The following STAG1 variants were observed in gnomAD, a reference collection of about 807,000 sequenced individuals.
The protein encoded by STAG1 is cohesin subunit SA-1.
STAG1 carries 26 observed loss-of-function variants against 170.9 expected under a neutral mutation model. That is an observed-to-expected ratio of 0.15 (90% confidence interval 0.11 to 0.21). The LOEUF is 0.21. STAG1 is among the 10% of genes least tolerant of loss of function. The pLI is 1.00. For missense variants in STAG1, 964 were observed against 1,509.5 expected (o/e 0.64, Z 5.99); for synonymous variants, 514 against 497.7 (o/e 1.03, Z -0.44).
chr3:136,498,173 C>T (rs1251236178), intron 9 of STAG1, among the ~76,000 whole-genome samples: 3 of 108,728 alleles, frequency 2.8e-5, no homozygotes, highest in African/African-American at 1.0e-4. Flanking sequence ...GCCTGGGCAA[C>T]AAGAGCAAAA....
At chr3:136,632,964 T>G (rs1158005638) in intron 1 of STAG1, among the ~76,000 whole-genome samples, 1 of 150,230 alleles carries the variant, frequency 6.7e-6, no homozygotes, top group South Asian at 2.1e-4. Flanking sequence ...AGATGAAAAA[T>G]GTCAGTGTCC....
intron 15 of STAG1, among the ~76,000 whole-genome samples, chr3:136,437,407 A>G (rs1441336903): frequency 1.3e-5 from 2 of 152,224 alleles, no homozygotes; most frequent in Non-Finnish European, 2.9e-5. Flanking sequence ...GCCTTAAGCC[A>G]CAGGCAAGAG....
intron 7 of STAG1, among the ~76,000 whole-genome samples, chr3:136,511,404 C>G (rs967340150): frequency 6.6e-6 from 1 of 152,148 alleles, no homozygotes; most frequent in Non-Finnish European, 1.5e-5. Flanking sequence ...CCTTAATGCC[C>G]AGCAATGGTA....
At chr3:136,353,077 A>C (rs1936496675) in intron 28 of STAG1, among the ~76,000 whole-genome samples, 1 of 152,212 alleles carries the variant, frequency 6.6e-6, no homozygotes, top group East Asian at 1.9e-4. Context: ...CAAAATTAAA[A>C]ATTTACTATA....
At chr3:136,467,222 TAA>T (rs968449016) in intron 12 of STAG1, among the ~76,000 whole-genome samples, 4 of 152,016 alleles carry the variant, frequency 2.6e-5, no homozygotes, top group Non-Finnish European at 5.9e-5. Context: ...GCAAATTGGA[TAA>T]AGAGTCAAGA....
At chr3:136,592,920 G>A (rs1938255878) in intron 4 of STAG1, among the ~76,000 whole-genome samples, 1 of 152,186 alleles carries the variant, frequency 6.6e-6, no homozygotes, top group Non-Finnish European at 1.5e-5. Flanking sequence ...ACTGCTTGTA[G>A]TGCACAACTT....
At chr3:136,653,989 A>G (rs1161747597) in intron 1 of STAG1, among the ~76,000 whole-genome samples, 1 of 152,220 alleles carries the variant, frequency 6.6e-6, no homozygotes, top group African/African-American at 2.4e-5. Context: ...GAATTTTCTC[A>G]ATATAATAAA....
chr3:136,586,859 A>G (rs753706676), intron 4 of STAG1: 1 of 456,696 alleles, frequency 2.2e-6, no homozygotes. Context: ...AAAGGCTTCT[A>G]AGAAGTAGAC....
intron 22 of STAG1, among the ~76,000 whole-genome samples, chr3:136,378,781 G>T (rs1466288620): frequency 3.3e-5 from 5 of 152,092 alleles, no homozygotes; most frequent in African/African-American, 1.2e-4. Flanking sequence ...TATTAGCGAG[G>T]GGTTGAAACT....
intron 16 of STAG1, among the ~76,000 whole-genome samples, chr3:136,424,666 T>C (rs2088061821): frequency 6.6e-6 from 1 of 152,034 alleles, no homozygotes; most frequent in Admixed American, 6.6e-5. Context: ...TCTACATACA[T>C]GAACTCATCT....
chr3:136,747,925 C>T (rs1327996464), intron 1 of STAG1, among the ~76,000 whole-genome samples: 4 of 151,158 alleles, frequency 2.6e-5, no homozygotes, highest in Non-Finnish European at 5.9e-5. Context: ...TACAGGTGCC[C>T]GCCACCACAC....
intron 1 of STAG1, among the ~76,000 whole-genome samples, chr3:136,681,059 ATTG>A (rs1393172921): frequency 5.3e-5 from 8 of 152,306 alleles, no homozygotes; most frequent in African/African-American, 1.7e-4. Flanking sequence ...TATATTAATA[ATTG>A]TTGTATTGTT....
intron 5 of STAG1, among the ~76,000 whole-genome samples, chr3:136,556,336 C>T (rs903012234): frequency 6.6e-6 from 1 of 152,048 alleles, no homozygotes; most frequent in Admixed American, 6.6e-5. Flanking sequence ...GTAAATTCAT[C>T]CCCACTGATA....
At chr3:136,515,784 T>C (rs1934342795) in intron 7 of STAG1, among the ~76,000 whole-genome samples, 1 of 152,198 alleles carries the variant, frequency 6.6e-6, no homozygotes, top group African/African-American at 2.4e-5. Context: ...ATTTTAAAGT[T>C]ATACTTTATT....
intron 1 of STAG1, among the ~76,000 whole-genome samples, chr3:136,747,783 T>C (rs1379564406): frequency 2.0e-5 from 3 of 151,778 alleles, no homozygotes; most frequent in Non-Finnish European, 2.9e-5. Flanking sequence ...CGTAATTTTT[T>C]TTTTTTTTTT....
At chr3:136,511,093 G>C (rs115998823) in intron 7 of STAG1, among the ~76,000 whole-genome samples, 21 of 152,118 alleles carry the variant, frequency 1.4e-4, no homozygotes, top group African/African-American at 4.8e-4. Flanking sequence ...GGTTTTATAC[G>C]TCTCTGGCAT....
At chr3:136,528,701 C>T (rs983020074) in intron 6 of STAG1, among the ~76,000 whole-genome samples, 6 of 152,012 alleles carry the variant, frequency 3.9e-5, no homozygotes, top group African/African-American at 1.5e-4. Context: ...TATCATCCCA[C>T]CAGCTCGGGA....
intron 21 of STAG1, among the ~76,000 whole-genome samples, chr3:136,406,161 G>C (rs987872760): frequency 2.6e-5 from 4 of 152,152 alleles, no homozygotes; most frequent in African/African-American, 7.2e-5. Flanking sequence ...TAGCCGGATG[G>C]ATAAAGCAAA....
intron 21 of STAG1, among the ~76,000 whole-genome samples, chr3:136,416,517 G>A (rs982714690): frequency 2.0e-5 from 3 of 152,132 alleles, no homozygotes; most frequent in African/African-American, 7.2e-5. Context: ...AAACAGAGAT[G>A]TACTCTTATT....
Sources: allele counts gnomAD v4.1 joint callset (sites outside exome capture counted in the v4.1 genomes callset), GRCh38; gene constraint gnomAD v4.1.1; transcripts MANE v1.5; gene names NCBI Gene and HGNC (gene_info 2026-07-23, HGNC 2026-07-21).